The following FAM83G variants were observed in gnomAD, a reference collection of about 807,000 sequenced individuals.
The protein encoded by FAM83G is scaffolding CK1 anchoring protein G, also known as protein FAM83G.
Under a neutral mutation model 61.5 loss-of-function variants are expected in FAM83G, and 38 were observed. The ratio of observed to expected loss-of-function variants is 0.62; its 90% CI spans 0.48 to 0.81. The LOEUF is 0.81. Ranked by LOEUF, FAM83G falls within the 30% of genes least tolerant of loss-of-function variation. The pLI is 0.00. For synonymous variants in FAM83G, 470 were observed against 476.1 expected, an observed-to-expected ratio of 0.99 and a Z score of 0.17; for missense variants, 989 against 1,133.6, an observed-to-expected ratio of 0.87 and a Z score of 1.83.
At chr17:18,974,721 T>C (rs574981876) in intron 5 of FAM83G, among the ~76,000 whole-genome samples, 3 of 152,238 alleles carry the variant, frequency 2.0e-5, no homozygotes, top group African/African-American at 7.2e-5. Context: ...AGGGACAGGC[T>C]TGGCCGGCTA....
chr17:19,004,124 G>T lies in FAM83G; in HGVS notation c.-83C>A. 1.5e-6 allele frequency: 2 copies of T among 1,370,374 alleles called. No individual in the cohort carries two copies. Among genetic ancestry groups the T allele is most frequent in the Non-Finnish European group, 2.0e-6 (2 of 1,009,332 alleles). The allele number at this position is 1,370,374 out of a possible 1,614,324, so 84.9% of individuals were successfully genotyped here. On this transcript the variant is annotated 5_prime_UTR_variant, in exon 2 of 6. Coordinates refer to ENST00000388995, the MANE Select transcript of FAM83G (RefSeq NM_001039999.3). The surrounding 1 kb of genome is among the most constrained non-coding windows in gnomAD (Gnocchi z 5.4). ...CTCCGGCCCAGCTGGGGCACCGCGCGCTCGGGGGCCTCTCCGCGGCCTCTG... is the reference window on the plus strand; with the variant it reads ...CTCCGGCCCAGCTGGGGCACCGCGCTCTCGGGGGCCTCTCCGCGGCCTCTG...
rs774989252 is a variant in FAM83G at position 19,004,006 on chromosome 17, G to C, written c.36C>G (p.Asn12Lys). The change falls in exon 2 of 6, where the codon AAC becomes AAG. Residue 12 changes from asparagine (N) to lysine (K), a missense_variant. By Grantham distance (94) the Asn-to-Lys change is moderately conservative. Around this residue, in one of 3 missense-constraint regions of FAM83G, gnomAD observed 371 missense variants for 404.5 expected, o/e 0.92. Coordinates refer to ENST00000388995, the MANE Select transcript of FAM83G (RefSeq NM_001039999.3). The surrounding 1 kb of genome is among the most constrained non-coding windows in gnomAD (Gnocchi z 5.4). ...ACTCGCTGGAGCGCCAGTTCACATG[G>C]TTGTCGTCCAGACACTGCACCTGAG... is the stretch of plus-strand genomic sequence containing the variant. ...AFSQVQCLDD[N>K]HVNWRSSESK... 10 of 1,610,866 alleles carry C rather than the reference G, an allele frequency of 6.2e-6. No homozygotes were observed. The African/African-American group carries it at 1.2e-4, about 19-fold the overall frequency.
intron 3 of FAM83G, among the ~76,000 whole-genome samples, chr17:18,981,138 AG>A (rs1720687327): frequency 6.6e-6 from 1 of 152,180 alleles, no homozygotes; most frequent in Non-Finnish European, 1.5e-5. Context: ...GGGGAGGCTG[AG>A]GGGGTAAACG....
At chr17:19,001,146 C>T (rs569940413) in intron 2 of FAM83G, among the ~76,000 whole-genome samples, 28 of 152,330 alleles carry the variant, frequency 1.8e-4, no homozygotes, top group Non-Finnish European at 2.9e-4. Context: ...TAAAGCGCCT[C>T]GCACTCAGTC....
intron 5 of FAM83G, among the ~76,000 whole-genome samples, chr17:18,972,811 G>C (rs2042886933): frequency 6.6e-6 from 1 of 151,620 alleles, no homozygotes; most frequent in African/African-American, 2.4e-5. Flanking sequence ...ACAGTGAGCA[G>C]TGAGCCGAGA....
At position 18,978,865 on chromosome 17, in the gene FAM83G, G is replaced by A. The variant is rs2043058642; in HGVS notation, c.816-15C>T. 7.5e-6 allele frequency: 12 copies of A among 1,609,722 alleles called. No homozygotes were observed. In the East Asian group the frequency reaches 2.7e-4, roughly 36 times the overall value. On this transcript the variant is annotated splice_polypyrimidine_tract_variant and intron_variant, in intron 4 of 5. Coordinates refer to ENST00000388995, the MANE Select transcript of FAM83G (RefSeq NM_001039999.3). ...ACCACGTGAAGCTGCAACAGAGGGA[G>A]GGGGCGCTGGTCAGGCACATGACCC...
chr17:19,003,593 T>C lies in FAM83G; in HGVS notation c.449A>G (p.Tyr150Cys), dbSNP rs780786835. Residue 150 changes from tyrosine (Y) to cysteine (C), a missense_variant, in exon 2 of 6, where the codon TAC (tyrosine) becomes TGC (cysteine). Tyr to Cys is a radical substitution (Grantham distance 194). Coordinates refer to ENST00000388995, the MANE Select transcript of FAM83G (RefSeq NM_001039999.3). The surrounding 1 kb of genome is among the most constrained non-coding windows in gnomAD (Gnocchi z 4.5). ...CTGCCCGTCTATGGGGGGCTGCATGTAGACGCTAGCCCGGGTCACGCCGCG... is the reference window on the plus strand; with the variant it reads ...CTGCCCGTCTATGGGGGGCTGCATGCAGACGCTAGCCCGGGTCACGCCGCG... The part of the protein sequence containing the change: ...AYRGVTRASV[Y>C]MQPPIDGQAH... 1.2e-6 allele frequency: 2 copies of C among 1,606,310 alleles called. No individual in the cohort carries two copies. Among genetic ancestry groups the C allele is most frequent in the Non-Finnish European group, 1.7e-6 (2 of 1,176,358 alleles).
intron 3 of FAM83G, among the ~76,000 whole-genome samples, chr17:18,981,819 G>GCTGGC (rs2043141126): frequency 6.6e-6 from 1 of 152,188 alleles, no homozygotes; most frequent in African/African-American, 2.4e-5. Context: ...TCAGCAGGAA[G>GCTGGC]CTGGCCACGG....
chr17:18,983,021 G>A (rs1241399154), intron 3 of FAM83G, among the ~76,000 whole-genome samples: 1 of 152,234 alleles, frequency 6.6e-6, no homozygotes, highest in East Asian at 1.9e-4. Context: ...ACTGGAAGTG[G>A]CGCAGTGGGC....
In FAM83G at chr17:18,978,798, C is replaced by T; in HGVS notation, c.868G>A (p.Gly290Ser). The T allele has an allele frequency of 6.2e-7, 1 of 1,612,998 alleles. No individual in the cohort carries two copies. Among genetic ancestry groups the T allele is most frequent in the Non-Finnish European group, 8.5e-7 (1 of 1,180,014 alleles). The change falls in exon 5 of 6, where the codon GGC becomes AGC. Residue 290 changes from glycine to serine, a missense_variant. Gly to Ser is a moderately conservative substitution (Grantham distance 56). This residue lies in a region of FAM83G where 44 missense variants were observed against 83.9 expected (regional missense o/e 0.52). Transcript: ENST00000388995. ...CGGTCAAACATCTCCACCACCTGGC[C>T]AGACAGCACAGAGATCACATTCCGG... ...TDRNVISVLS[G>S]QVVEMFDRQF...
chr17:18,978,879 G>A, intron 4 of FAM83G, 29 bp from the exon 5 acceptor site: 1 of 1,606,448 alleles, frequency 6.2e-7, no homozygotes, highest in Non-Finnish European at 8.5e-7. Context: ...GCGCTGGTCA[G>A]GCACATGACC....
At chr17:19,001,820 A>G (rs2152141645) in intron 2 of FAM83G, among the ~76,000 whole-genome samples, 1 of 152,332 alleles carries the variant, frequency 6.6e-6, no homozygotes, top group South Asian at 2.1e-4. Flanking sequence ...GTCTGTCTGC[A>G]GACCCTCTGG....
Position 18,969,565 on chromosome 17 carries a change from C to A in FAM83G, c.*1794G>T. ...GAGTGGGTGGGTTCAGGAGGTTGAG[C>A]CACTAGGCAGTCAGCCCCCCTGCTG... On this transcript the variant is annotated 3_prime_UTR_variant, in exon 6 of 6. Coordinates refer to ENST00000388995, the MANE Select transcript of FAM83G (RefSeq NM_001039999.3). The A allele has an allele frequency of 2.8e-6, 2 of 708,476 alleles. No individual in the cohort carries two copies. The highest frequency in any genetic ancestry group is 4.6e-6 in the Non-Finnish European group (2 of 437,994). 43.9% of individuals were successfully genotyped at this position (708,476 alleles called of 1,614,324 possible).
chr17:18,971,893 T>C lies in FAM83G; in HGVS notation c.2083-145A>G, dbSNP rs1182605629. 4 of 812,454 alleles carry C rather than the reference T, an allele frequency of 4.9e-6. No individual in the cohort carries two copies. The highest frequency in any genetic ancestry group is 7.5e-6 in the Non-Finnish European group (4 of 534,642). The allele number at this position is 812,454 out of a possible 1,614,324, so 50.3% of individuals were successfully genotyped here. A position where few individuals can be genotyped will look rare whatever the true frequency, so the allele number is the denominator to read the frequency against. ...TCACCAGGGAGTGGGCCTAGACCAGTTGGTTTAGTCACTCGATGCCTCAGT... is the reference window on the plus strand; with the variant it reads ...TCACCAGGGAGTGGGCCTAGACCAGCTGGTTTAGTCACTCGATGCCTCAGT... On this transcript the variant is annotated intron_variant, in intron 5 of 5. Coordinates refer to ENST00000388995, the MANE Select transcript of FAM83G (RefSeq NM_001039999.3). The surrounding 1 kb of genome is among the most constrained non-coding windows in gnomAD (Gnocchi z 5.5).
Position 18,970,624 on chromosome 17 carries a change from G to T in FAM83G, c.*735C>A. The T allele has an allele frequency of 3.7e-6, 1 of 273,454 alleles. No individual in the cohort carries two copies. The highest frequency in any genetic ancestry group is 7.1e-6 in the Non-Finnish European group (1 of 140,960). 16.9% of individuals were successfully genotyped at this position (273,454 alleles called of 1,614,324 possible). A position where few individuals can be genotyped will look rare whatever the true frequency, so the allele number is the denominator to read the frequency against. On this transcript the variant is annotated 3_prime_UTR_variant, in exon 6 of 6. Transcript: ENST00000388995. ...CAGGATGAACACTTTAGAAGCCTCA[G>T]GAAGGTCCTCAAATGTCAAGAAAAA...
intron 2 of FAM83G, among the ~76,000 whole-genome samples, chr17:19,002,522 T>C (rs1168908199): frequency 6.6e-6 from 1 of 152,226 alleles, no homozygotes; most frequent in Non-Finnish European, 1.5e-5. Context: ...ACTGGAAGTA[T>C]AAAGGGATTA....
At chr17:18,974,212 A>C (rs1355073759) in intron 5 of FAM83G, among the ~76,000 whole-genome samples, 1 of 150,138 alleles carries the variant, frequency 6.7e-6, no homozygotes, top group Non-Finnish European at 1.5e-5. Flanking sequence ...TTTTAGTAGA[A>C]ATGGGGTTTC....
chr17:18,977,371 C>G, intron 5 of FAM83G: 1 of 600,102 alleles, frequency 1.7e-6, no homozygotes, highest in Non-Finnish European at 2.9e-6. Context: ...TTTCAGGATG[C>G]TGGGACCAAG....
At chr17:18,984,547 T>G (rs2043220062) in intron 3 of FAM83G, among the ~76,000 whole-genome samples, 1 of 152,192 alleles carries the variant, frequency 6.6e-6, no homozygotes, top group Non-Finnish European at 1.5e-5. Flanking sequence ...CCATCCCAGC[T>G]GATGCTTCTT....
Sources: allele counts gnomAD v4.1 joint callset (sites outside exome capture counted in the v4.1 genomes callset), GRCh38; gene constraint gnomAD v4.1.1; regional missense constraint gnomAD v4.1.1; non-coding constraint Gnocchi (gnomAD v3.1); transcripts MANE v1.5; gene names NCBI Gene and HGNC (gene_info 2026-07-23, HGNC 2026-07-21).